TIFAB: variants seen among roughly 807,000 people sequenced by gnomAD.
The protein encoded by TIFAB is TRAF-interacting protein with FHA domain-containing protein B.
For synonymous variants in TIFAB, 116 were observed against 95.2 expected (o/e 1.22, Z -1.27); for missense variants, 222 against 203.6 (o/e 1.09, Z -0.55).
At chr5:135,451,633 G>T (rs527601260) in intron 1 of TIFAB, among the ~76,000 whole-genome samples, 4 of 152,138 alleles carry the variant, frequency 2.6e-5, no homozygotes, top group South Asian at 2.1e-4. Flanking sequence ...ACAGGTGCCC[G>T]CCACCATGCC....
rs1769251692 is a variant in TIFAB, at chr5:135,446,093, T to C, written c.*3361A>G. 1.3e-5 allele frequency: 4 copies of C among 312,874 alleles called. No homozygotes were observed. The highest frequency in any genetic ancestry group is 2.4e-5 in the Non-Finnish European group (4 of 168,494). The allele number at this position is 312,874 out of a possible 1,614,324, so 19.4% of individuals were successfully genotyped here. A position where few individuals can be genotyped will look rare whatever the true frequency, so the allele number is the denominator to read the frequency against. On this transcript the variant is annotated 3_prime_UTR_variant, in exon 2 of 2. Transcript: ENST00000537858. Reference sequence around the variant, plus strand: ...AACCCTGTTGACCCTTATGTCTGGGTGCCTTAAATTTGTGATGCCTCAAAC... The same window carrying C: ...AACCCTGTTGACCCTTATGTCTGGGCGCCTTAAATTTGTGATGCCTCAAAC...
rs1240952911 is a variant in TIFAB, at chr5:135,447,853, C to T, written c.*1601G>A. ...ACTTTCCTGAGTGCAAGGTAAACTC[C>T]CTGAGGGAGTTTGCCTTATTCACTT... On this transcript the variant is annotated 3_prime_UTR_variant, in exon 2 of 2. Transcript: ENST00000537858. The T allele has an allele frequency of 1.3e-5, 2 of 152,242 alleles. No homozygotes were observed. Among genetic ancestry groups the T allele is most frequent in the Non-Finnish European group, 1.5e-5 (1 of 68,108 alleles). The allele number at this position is 152,242 out of a possible 1,614,324, so 9.4% of individuals were successfully genotyped here.
rs1561708415 is a variant in TIFAB at position 135,449,466 on chromosome 5, A to T, written c.474T>A (p.Pro158=). The T allele has an allele frequency of 6.2e-7, 1 of 1,613,742 alleles. No homozygotes were observed. Among genetic ancestry groups the T allele is most frequent in the East Asian group, 2.2e-5 (1 of 44,886 alleles). Residue 158 remains proline, a synonymous_variant, in exon 2 of 2, where the codon CCT becomes CCA. Transcript: ENST00000537858. ...CAACCTGGATCTGCTACCCTGAACCAGGGGGAGGCTGCCCCTGGGAGATGC... is the reference window on the plus strand; with the variant it reads ...CAACCTGGATCTGCTACCCTGAACCTGGGGGAGGCTGCCCCTGGGAGATGC... The part of the protein sequence containing the change: ...WEGISQGQPP[P]GSG
Position 135,446,440 on chromosome 5 carries a change from A to G in TIFAB, c.*3014T>C. The G allele has an allele frequency of 2.5e-6, 4 of 1,612,630 alleles. No individual in the cohort carries two copies. The highest frequency in any genetic ancestry group is 3.4e-6 in the Non-Finnish European group (4 of 1,178,928). On this transcript the variant is annotated 3_prime_UTR_variant, in exon 2 of 2. Transcript: ENST00000537858. ...AATGCAGTGGAGGTTGTTGGGAGGA[A>G]CTCACCCGCCTGCTCTGGCTGTCTG...
intron 1 of TIFAB, among the ~76,000 whole-genome samples, chr5:135,451,476 C>T (rs886738580): frequency 2.1e-5 from 3 of 145,966 alleles, no homozygotes; most frequent in Admixed American, 2.0e-4. Flanking sequence ...GAAAGCCTTT[C>T]TTTTTTTTCT....
chr5:135,446,631 TA>T lies in TIFAB; in HGVS notation c.*2822del. 4 of 1,614,020 alleles carry T rather than the reference TA, an allele frequency of 2.5e-6. No homozygotes were observed. The highest frequency in any genetic ancestry group is 3.4e-6 in the Non-Finnish European group (4 of 1,179,894). Reference sequence around the variant, plus strand: ...TCGGATGGGCAGAGCTTAACTGCCTTAAAAACTTGGTACAGGGCAAGGTGTG... The same window carrying T: ...TCGGATGGGCAGAGCTTAACTGCCTTAAAACTTGGTACAGGGCAAGGTGTG... On this transcript the variant is annotated 3_prime_UTR_variant, in exon 2 of 2. Coordinates refer to ENST00000537858, the MANE Select transcript of TIFAB (RefSeq NM_001099221.2).
At position 135,446,960 on chromosome 5, in the gene TIFAB, C is replaced by T. The variant is rs1294602322; in HGVS notation, c.*2494G>A. The T allele has an allele frequency of 5.6e-6, 9 of 1,612,866 alleles. No homozygotes were observed. Among genetic ancestry groups the T allele is most frequent in the South Asian group, 2.2e-5 (2 of 90,878 alleles). Reference sequence around the variant, plus strand: ...GGCACTCAGGGGCAGCAGCTCATTCCCAAAGTTCTCTGGTGGAGCTGGGGA... The same window carrying T: ...GGCACTCAGGGGCAGCAGCTCATTCTCAAAGTTCTCTGGTGGAGCTGGGGA... On this transcript the variant is annotated 3_prime_UTR_variant, in exon 2 of 2. Coordinates refer to ENST00000537858, the MANE Select transcript of TIFAB (RefSeq NM_001099221.2).
rs1769232298 is a variant in TIFAB at position 135,445,126 on chromosome 5, T to C, written c.*4328A>G. The C allele has an allele frequency of 6.6e-6, 1 of 152,090 alleles. No individual in the cohort carries two copies. The highest frequency in any genetic ancestry group is 2.1e-4 in the South Asian group (1 of 4,824). The allele number at this position is 152,090 out of a possible 1,614,324, so 9.4% of individuals were successfully genotyped here. On this transcript the variant is annotated 3_prime_UTR_variant, in exon 2 of 2. Transcript: ENST00000537858. ...CCTCAGAGCCCCTCCAGGGTCTCCT[T>C]GGCAGGGGCTGTCCCCTATGAGCCT...
Position 135,452,236 on chromosome 5 carries a change from G to A in TIFAB, c.-38C>T, listed in dbSNP as rs1309889560. 1 of 152,316 alleles carries A rather than the reference G, an allele frequency of 6.6e-6. No homozygotes were observed. Among genetic ancestry groups the A allele is most frequent in the African/African-American group, 2.4e-5 (1 of 41,462 alleles). 9.4% of individuals were successfully genotyped at this position (152,316 alleles called of 1,614,324 possible). On this transcript the variant is annotated 5_prime_UTR_variant, in exon 1 of 2. Coordinates refer to ENST00000537858, the MANE Select transcript of TIFAB (RefSeq NM_001099221.2). Reference sequence around the variant, plus strand: ...TATTGCCGGGGCACATCTGGCTCTAGTCCTGCAGCTGTGAGCTCTTGAGAG... The same window carrying A: ...TATTGCCGGGGCACATCTGGCTCTAATCCTGCAGCTGTGAGCTCTTGAGAG...
At position 135,449,312 on chromosome 5, in the gene TIFAB, C is replaced by G. The variant is rs954032480; in HGVS notation, c.*142G>C. The G allele has an allele frequency of 3.3e-6, 4 of 1,212,186 alleles. No homozygotes were observed. Among genetic ancestry groups the G allele is most frequent in the Non-Finnish European group, 4.5e-6 (4 of 882,382 alleles). The allele number at this position is 1,212,186 out of a possible 1,614,324, so 75.1% of individuals were successfully genotyped here. On this transcript the variant is annotated 3_prime_UTR_variant, in exon 2 of 2. Coordinates refer to ENST00000537858, the MANE Select transcript of TIFAB (RefSeq NM_001099221.2). ...TCCTGTTTCATCTAGCAAAGGCTTG[C>G]TCTAGTGGCAGGGCTAGCAGAGTGC...
intron 1 of TIFAB, among the ~76,000 whole-genome samples, chr5:135,451,700 T>C (rs1187207165): frequency 6.6e-6 from 1 of 152,072 alleles, no homozygotes; most frequent in East Asian, 1.9e-4. Flanking sequence ...GCCAGGCTGG[T>C]CTCGAACTCC....
Position 135,447,196 on chromosome 5 carries a change from A to C in TIFAB, c.*2258T>G, listed in dbSNP as rs753576851. On this transcript the variant is annotated 3_prime_UTR_variant, in exon 2 of 2. Coordinates refer to ENST00000537858, the MANE Select transcript of TIFAB (RefSeq NM_001099221.2). ...GTGGCTTCTTCTCCTTGCCAGCCCT[A>C]CCAGGGCATCTCCCATTATACTAAC... is the stretch of plus-strand genomic sequence containing the variant. 6 of 1,534,414 alleles carry C rather than the reference A, an allele frequency of 3.9e-6. No homozygotes were observed. The highest frequency in any genetic ancestry group is 2.7e-5 in the African/African-American group (2 of 73,446).
chr5:135,451,507 G>A (rs1383142996), intron 1 of TIFAB, among the ~76,000 whole-genome samples: 1 of 145,934 alleles, frequency 6.9e-6, no homozygotes, highest in Non-Finnish European at 1.5e-5. Flanking sequence ...TTTCTGAGAT[G>A]GAGTCTCACA....
rs1769331804 is a variant in TIFAB at position 135,449,672 on chromosome 5, T to A, written c.268A>T (p.Thr90Ser). ...GGGACCTGCTCCAGGTACCTCAGCG[T>A]CAGCCCATTGACCCACACACAGCCC... ...RKGCVWVNGL[T>S]LRYLEQVPLS... is the part of the protein sequence containing the mutation. Residue 90 changes from threonine to serine, a missense_variant, in exon 2 of 2, where the codon ACG becomes TCG. Physicochemically the swap from Thr to Ser is moderately conservative, Grantham distance 58. Transcript: ENST00000537858. The A allele has an allele frequency of 6.2e-7, 1 of 1,614,036 alleles. No individual in the cohort carries two copies. The highest frequency in any genetic ancestry group is 1.7e-5 in the Admixed American group (1 of 60,008).
Position 135,446,932 on chromosome 5 carries a change from A to T in TIFAB, c.*2522T>A. On this transcript the variant is annotated 3_prime_UTR_variant, in exon 2 of 2. Coordinates refer to ENST00000537858, the MANE Select transcript of TIFAB (RefSeq NM_001099221.2). ...AGAGACCCTCACTGAGGCCCTGGAG[A>T]GGGGCACTCAGGGGCAGCAGCTCAT... 1.9e-6 allele frequency: 3 copies of T among 1,612,570 alleles called. No homozygotes were observed. Among genetic ancestry groups the T allele is most frequent in the Non-Finnish European group, 2.5e-6 (3 of 1,179,246 alleles).
rs781356621 is a variant in TIFAB at position 135,447,117 on chromosome 5, G to A, written c.*2337C>T. 3 of 1,613,980 alleles carry A rather than the reference G, an allele frequency of 1.9e-6. No homozygotes were observed. The South Asian group carries it at 3.3e-5, about 18-fold the overall frequency. On this transcript the variant is annotated 3_prime_UTR_variant, in exon 2 of 2. Coordinates refer to ENST00000537858, the MANE Select transcript of TIFAB (RefSeq NM_001099221.2). The stretch of plus-strand genomic sequence containing the variant: ...GCTGCTCCGTAATGCATAGTTGGGG[G>A]ACCATTTTGGTCAGTGACAGATCAC...
chr5:135,448,863 C>A lies in TIFAB; in HGVS notation c.*591G>T. 6.4e-6 allele frequency: 1 copy of A among 155,770 alleles called. No individual in the cohort carries two copies. The highest frequency in any genetic ancestry group is 6.2e-5 in the Admixed American group (1 of 16,240). 9.6% of individuals were successfully genotyped at this position (155,770 alleles called of 1,614,324 possible). A position where few individuals can be genotyped will look rare whatever the true frequency, so the allele number is the denominator to read the frequency against. Reference sequence around the variant, plus strand: ...GGATCAGGGAATCCTATTGGGTATGCCAGCTTAATGAAATACTTGCAGTTT... The same window carrying A: ...GGATCAGGGAATCCTATTGGGTATGACAGCTTAATGAAATACTTGCAGTTT... On this transcript the variant is annotated 3_prime_UTR_variant, in exon 2 of 2. Transcript: ENST00000537858.
intron 1 of TIFAB, among the ~76,000 whole-genome samples, chr5:135,450,938 C>A (rs1025368037): frequency 6.6e-6 from 1 of 152,200 alleles, no homozygotes; most frequent in African/African-American, 2.4e-5. Flanking sequence ...CAGGGGGAAT[C>A]CCCCAGGACA....
chr5:135,449,421 G>C lies in TIFAB; in HGVS notation c.*33C>G. The C allele has an allele frequency of 6.2e-7, 1 of 1,605,978 alleles. No homozygotes were observed. On this transcript the variant is annotated 3_prime_UTR_variant, in exon 2 of 2. Coordinates refer to ENST00000537858, the MANE Select transcript of TIFAB (RefSeq NM_001099221.2). Reference sequence around the variant, plus strand: ...AGAGGGCTGTCCCAAGTCTGGGAAGGGCCGTGGAGAAACCCCAGGCAACCT... The same window carrying C: ...AGAGGGCTGTCCCAAGTCTGGGAAGCGCCGTGGAGAAACCCCAGGCAACCT...
Sources: gnomAD v4.1 joint callset for allele counts (sites outside exome capture counted in the v4.1 genomes callset) on GRCh38, gnomAD v4.1.1 for gene constraint, MANE v1.5 for transcripts, NCBI Gene and HGNC (gene_info 2026-07-23, HGNC 2026-07-21) for gene names.